Variants in AGBL4 observed in about 807,000 individuals in gnomAD.
AGBL4 encodes the protein AGBL carboxypeptidase 4, also known as cytosolic carboxypeptidase 6.
Under a neutral mutation model 66.4 loss-of-function variants are expected in AGBL4, and 58 were observed. That is an observed-to-expected ratio of 0.87 (90% CI 0.71 to 1.09). The LOEUF is 1.09. Ranked by LOEUF, AGBL4 falls within the 50% of genes least tolerant of loss-of-function variation. AGBL4 has a pLI of 0.00. For synonymous variants in AGBL4, 234 were observed against 222.9 expected, an observed-to-expected ratio of 1.05 and a Z score of -0.44; for missense variants, 579 against 631.0, an observed-to-expected ratio of 0.92 and a Z score of 0.88.
At chr1:49,318,985 G>T (rs1334238627) in intron 3 of AGBL4, among the ~76,000 whole-genome samples, 1 of 152,164 alleles carries the variant, frequency 6.6e-6, no homozygotes, top group Non-Finnish European at 1.5e-5. Context: ...CAATTGCCTA[G>T]GAAGGCTATG....
intron 1 of AGBL4, among the ~76,000 whole-genome samples, chr1:49,939,798 C>T (rs1032139881): frequency 4.9e-4 from 74 of 152,184 alleles, no homozygotes; most frequent in Non-Finnish European, 9.3e-4. Flanking sequence ...TGGGCAAGTA[C>T]TTCATGTCTA....
At position 49,765,932 on chromosome 1, in the gene AGBL4, A is replaced by C. The variant is rs568573564; in HGVS notation, c.158-68495T>G. On this transcript the variant is annotated intron_variant, in intron 2 of 13. Coordinates refer to ENST00000371839, the MANE Select transcript of AGBL4 (RefSeq NM_032785.4). ...TGAAAAGAATCTTTGAGAAATATGG[A>C]ATTATGTAAAGTGATGAAATCTATG... Among the ~76,000 whole-genome samples, 6 of 152,294 alleles carry C rather than the reference A, an allele frequency of 3.9e-5. 1 individual carries two copies. The South Asian group carries it at 1.2e-3, about 32-fold the overall frequency.
intron 3 of AGBL4, among the ~76,000 whole-genome samples, chr1:49,353,281 T>A (rs555113362): frequency 6.6e-6 from 1 of 152,318 alleles, no homozygotes; most frequent in East Asian, 1.9e-4. Flanking sequence ...AAAGCCCTTA[T>A]ATCTCTGGCA....
At position 49,772,598 on chromosome 1, in the gene AGBL4, C is replaced by T. The variant is rs1288363402; in HGVS notation, c.158-75161G>A. Among the ~76,000 whole-genome samples the T allele has an allele frequency of 2.6e-5, 4 of 152,184 alleles. No individual in the cohort carries two copies. In the East Asian group the frequency reaches 5.8e-4, roughly 22 times the overall value. On this transcript the variant is annotated intron_variant, in intron 2 of 13. Coordinates refer to ENST00000371839, the MANE Select transcript of AGBL4 (RefSeq NM_032785.4). ...TACTTGTCTGGGAAGGTCTTTAGTT[C>T]TCTTTTATTCCTGACGTATGGATAT...
chr1:50,010,297 A>G (rs1661435427), intron 1 of AGBL4, among the ~76,000 whole-genome samples: 1 of 115,976 alleles, frequency 8.6e-6, no homozygotes, highest in Non-Finnish European at 2.0e-5. Context: ...ATAGAGCAAG[A>G]CTCCATCTCA....
In AGBL4 at chr1:48,939,803, C is replaced by T. The variant is rs114717586; in HGVS notation, c.595-72573G>A. 3.0e-4 allele frequency among the ~76,000 whole-genome samples: 45 copies of T among 152,330 alleles called. 1 individual carries two copies. Among genetic ancestry groups the T allele is most frequent in the African/African-American group, 1.0e-3 (43 of 41,576 alleles). On this transcript the variant is annotated intron_variant, in intron 5 of 13. Coordinates refer to ENST00000371839, the MANE Select transcript of AGBL4 (RefSeq NM_032785.4). The stretch of plus-strand genomic sequence containing the variant: ...TTGGATCTGAATTCAACAATGACAA[C>T]ATTAATAATGAACAGCTTCCTCATT...
At chr1:49,596,626 G>A (rs887414436) in intron 3 of AGBL4, among the ~76,000 whole-genome samples, 2 of 152,200 alleles carry the variant, frequency 1.3e-5, no homozygotes, top group African/African-American at 4.8e-5. Flanking sequence ...TTTGAACTCT[G>A]AAGTATCCTT....
chr1:49,033,340 T>G (rs1164208718), intron 5 of AGBL4, among the ~76,000 whole-genome samples: 1 of 152,096 alleles, frequency 6.6e-6, no homozygotes, highest in South Asian at 2.1e-4. Context: ...ATAATTGATA[T>G]TACTAACTTC....
At chr1:49,147,556 C>G (rs1041559160) in intron 4 of AGBL4, among the ~76,000 whole-genome samples, 1 of 152,134 alleles carries the variant, frequency 6.6e-6, no homozygotes, top group Non-Finnish European at 1.5e-5. Flanking sequence ...ATAAAGGTCT[C>G]TGAATTTCCA....
At chr1:49,077,473 A>G (rs986601667) in intron 4 of AGBL4, among the ~76,000 whole-genome samples, 2 of 152,144 alleles carry the variant, frequency 1.3e-5, no homozygotes, top group Admixed American at 6.6e-5. Context: ...TACCTACTAT[A>G]AAAATGTATC....
At chr1:49,286,400 T>A (rs1016569991) in intron 3 of AGBL4, among the ~76,000 whole-genome samples, 1 of 151,894 alleles carries the variant, frequency 6.6e-6, no homozygotes, top group Admixed American at 6.6e-5. Flanking sequence ...GGTATTCAAT[T>A]AGGAAAAGAG....
At position 50,016,562 on chromosome 1, in the gene AGBL4, A is replaced by C. The variant is rs1008229086; in HGVS notation, c.34+7201T>G. On this transcript the variant is annotated intron_variant, in intron 1 of 13. Coordinates refer to ENST00000371839, the MANE Select transcript of AGBL4 (RefSeq NM_032785.4). ...AGGTGACAGAGTGTGACTTTGTCTC[A>C]AAAAATAATAAATAAAAATAATAAA... Among the ~76,000 whole-genome samples the C allele has an allele frequency of 5.9e-5, 9 of 152,308 alleles. No homozygotes were observed. The East Asian group carries it at 1.5e-3, about 26-fold the overall frequency.
rs549152047 is a variant in AGBL4, at chr1:48,594,422, C to A, written c.952-3437G>T. Among the ~76,000 whole-genome samples, 196 of 152,200 alleles carry A rather than the reference C, an allele frequency of 1.3e-3. 1 individual carries two copies. Among genetic ancestry groups the A allele is most frequent in the African/African-American group, 4.6e-3 (191 of 41,536 alleles). ...CATTTCCTTTGACCATTTAAAAAAT[C>A]GGATTGTTGGGCTTTATTTCTTATT... On this transcript the variant is annotated intron_variant, in intron 9 of 13. Transcript: ENST00000371839.
In AGBL4 at chr1:48,833,091, A is replaced by G. The variant is rs551696399; in HGVS notation, c.634+34100T>C. 5.3e-5 allele frequency among the ~76,000 whole-genome samples: 8 copies of G among 152,292 alleles called. No homozygotes were observed. The East Asian group carries it at 1.5e-3, about 29-fold the overall frequency. ...TCTCCTATTGGTTCTGTTTATCTACAGAACCCTAAGTAGTGCAGTTTAGTG... is the reference window on the plus strand; with the variant it reads ...TCTCCTATTGGTTCTGTTTATCTACGGAACCCTAAGTAGTGCAGTTTAGTG... On this transcript the variant is annotated intron_variant, in intron 6 of 13. Coordinates refer to ENST00000371839, the MANE Select transcript of AGBL4 (RefSeq NM_032785.4).
chr1:49,761,918 T>C (rs943998775), intron 2 of AGBL4, among the ~76,000 whole-genome samples: 2 of 152,206 alleles, frequency 1.3e-5, no homozygotes, highest in African/African-American at 2.4e-5. Context: ...TAATAGTTTT[T>C]TAAGGCTAAA....
intron 6 of AGBL4, among the ~76,000 whole-genome samples, chr1:48,690,332 G>GT (rs1270633648): frequency 1.3e-5 from 2 of 152,176 alleles, no homozygotes; most frequent in Non-Finnish European, 2.9e-5. Context: ...GGAGGATGGG[G>GT]TGGGGGGCGC....
At chr1:48,568,968 G>A (rs1236609606) in intron 11 of AGBL4, among the ~76,000 whole-genome samples, 1 of 152,192 alleles carries the variant, frequency 6.6e-6, no homozygotes, top group Non-Finnish European at 1.5e-5. Context: ...GGCACAGAAG[G>A]AATGCTCAGA....
chr1:48,681,216 A>G (rs1325804172), intron 6 of AGBL4, among the ~76,000 whole-genome samples: 1 of 152,218 alleles, frequency 6.6e-6, no homozygotes, highest in African/African-American at 2.4e-5. Context: ...AAATAGGGAT[A>G]GGGACCGCTG....
intron 1 of AGBL4, among the ~76,000 whole-genome samples, chr1:50,019,306 T>TCTCTCA (rs1167835143): frequency 5.9e-3 from 286 of 48,412 alleles, no homozygotes; most frequent in South Asian, 0.019. Context: ...TCTCTCTCTC[T>TCTCTCA]CACACACACA....
Sources: gnomAD v4.1 joint callset for allele counts (sites outside exome capture counted in the v4.1 genomes callset) on GRCh38, gnomAD v4.1.1 for gene constraint, MANE v1.5 for transcripts, NCBI Gene and HGNC (gene_info 2026-07-23, HGNC 2026-07-21) for gene names.